Variants in LUZP2 observed in about 807,000 individuals in gnomAD.
The protein encoded by LUZP2 is leucine zipper protein 2.
LUZP2 carries 52 observed loss-of-function variants against 51.6 expected under a neutral mutation model. That is an observed-to-expected ratio of 1.01 (90% CI 0.81 to 1.27). The LOEUF (loss-of-function observed/expected upper bound fraction) is 1.27. Among genes scored for constraint, LUZP2 ranks in the 50% most tolerant of loss-of-function variants. LUZP2 has a pLI of 0.00. For missense variants in LUZP2, 436 were observed against 395.4 expected, an observed-to-expected ratio of 1.10 and a Z score of -0.87; for synonymous variants, 154 against 137.3, an observed-to-expected ratio of 1.12 and a Z score of -0.85.
chr11:25,072,599 G>T (rs1176120992), intron 10 of LUZP2, among the ~76,000 whole-genome samples: 2 of 152,028 alleles, frequency 1.3e-5, no homozygotes, highest in African/African-American at 4.8e-5. Context: ...GATAACATTG[G>T]TTACTCTCCT....
chr11:24,856,165 C>A (rs1851558449), intron 5 of LUZP2, among the ~76,000 whole-genome samples: 1 of 151,920 alleles, frequency 6.6e-6, no homozygotes, highest in South Asian at 2.1e-4. Context: ...GTGACACACA[C>A]CTGCAGAATG....
rs569686061 is a variant in LUZP2, at chr11:25,050,386, C to T, written c.858+256C>T. ...GCACAATCTCGGCTCACTGCAAGCT[C>T]CGCCGCCTCCCGGGTTCACGCCATT... On this transcript the variant is annotated intron_variant, in intron 10 of 11. Coordinates refer to ENST00000336930, the MANE Select transcript of LUZP2 (RefSeq NM_001009909.4). Among the ~76,000 whole-genome samples the T allele has an allele frequency of 1.2e-3, 181 of 144,968 alleles. 2 individuals are homozygous for T. Among genetic ancestry groups the T allele is most frequent in the African/African-American group, 4.3e-3 (171 of 39,448 alleles).
chr11:24,501,115 C>T (rs184162804), intron 1 of LUZP2, among the ~76,000 whole-genome samples: 6 of 152,290 alleles, frequency 3.9e-5, no homozygotes, highest in African/African-American at 2.4e-5. Flanking sequence ...CCACACATGA[C>T]ATTTTACAGG....
chr11:24,865,341 A>G (rs1211006054), intron 5 of LUZP2, among the ~76,000 whole-genome samples: 4 of 152,208 alleles, frequency 2.6e-5, no homozygotes, highest in Admixed American at 2.6e-4. Flanking sequence ...TCTTATGTAC[A>G]AGTAGGATAA....
At chr11:24,901,290 A>C (rs1206108498) in intron 5 of LUZP2, among the ~76,000 whole-genome samples, 2 of 152,066 alleles carry the variant, frequency 1.3e-5, no homozygotes, top group Non-Finnish European at 1.5e-5. Context: ...TGACAAAGGC[A>C]CTTAGATATT....
chr11:24,991,404 A>G (rs1301310250), intron 9 of LUZP2, among the ~76,000 whole-genome samples: 4 of 146,954 alleles, frequency 2.7e-5, no homozygotes, highest in African/African-American at 9.9e-5. Context: ...GTGTATATAT[A>G]TATATATATA....
intron 5 of LUZP2, among the ~76,000 whole-genome samples, chr11:24,769,370 G>T (rs1860316125): frequency 6.6e-6 from 1 of 152,140 alleles, no homozygotes; most frequent in African/African-American, 2.4e-5. Context: ...TTTCAAAATA[G>T]TTAGAAAAGA....
At position 24,699,576 on chromosome 11, in the gene LUZP2, A is replaced by G. The variant is rs374369937; in HGVS notation, c.63-29593A>G. ...AGCACACAGAAGTTTTTGGGGGGAC[A>G]TGGTAAGCCTAAGATATAGATGGAA... On this transcript the variant is annotated intron_variant, in intron 1 of 11. Transcript: ENST00000336930. 3.8e-3 allele frequency among the ~76,000 whole-genome samples: 575 copies of G among 151,946 alleles called. 2 individuals carry two copies. The highest frequency in any genetic ancestry group is 0.013 in the African/African-American group (542 of 41,476).
intron 3 of LUZP2, among the ~76,000 whole-genome samples, chr11:24,737,487 G>T (rs1171980310): frequency 6.7e-6 from 1 of 148,348 alleles, no homozygotes; most frequent in Admixed American, 6.9e-5. Flanking sequence ...ATCTATTTGA[G>T]GTGATAGCTC....
chr11:24,613,338 T>A (rs956594412), intron 1 of LUZP2, among the ~76,000 whole-genome samples: 4 of 132,576 alleles, frequency 3.0e-5, no homozygotes, highest in African/African-American at 8.7e-5. Flanking sequence ...ACACACACAC[T>A]CTCATGCACA....
intron 1 of LUZP2, among the ~76,000 whole-genome samples, chr11:24,570,960 A>G (rs145391043): frequency 3.5e-4 from 54 of 152,242 alleles, no homozygotes; most frequent in African/African-American, 1.3e-3. Context: ...ATGTTCAAAT[A>G]TTGAAAAAGT....
chr11:24,581,117 T>C (rs566147446), intron 1 of LUZP2, among the ~76,000 whole-genome samples: 3 of 148,196 alleles, frequency 2.0e-5, no homozygotes, highest in Admixed American at 1.4e-4. Flanking sequence ...TCCCTGTATA[T>C]AGAAAGCCTA....
At chr11:25,031,203 G>T (rs2133991533) in intron 9 of LUZP2, among the ~76,000 whole-genome samples, 1 of 149,786 alleles carries the variant, frequency 6.7e-6, no homozygotes, top group South Asian at 2.1e-4. Context: ...GTAGAAATGG[G>T]GTGTCACCAT....
intron 5 of LUZP2, among the ~76,000 whole-genome samples, chr11:24,768,631 C>A (rs2134045585): frequency 6.6e-6 from 1 of 152,060 alleles, no homozygotes; most frequent in East Asian, 1.9e-4. Context: ...TTTACAAATG[C>A]CCAAAAGGTA....
chr11:24,946,533 A>G (rs965613604), intron 7 of LUZP2, among the ~76,000 whole-genome samples: 3 of 151,836 alleles, frequency 2.0e-5, no homozygotes, highest in South Asian at 2.1e-4. Context: ...CTTATAATAT[A>G]CTTCTTAAAT....
chr11:24,508,692 AT>A (rs1850212627), intron 1 of LUZP2, among the ~76,000 whole-genome samples: 1 of 152,124 alleles, frequency 6.6e-6, no homozygotes. Context: ...TCATAATTTA[AT>A]TTTTAAAAAT....
rs1327713711 is a variant in LUZP2 at position 24,991,394 on chromosome 11, G to GTATA, written c.765+8102_765+8103insATAT. ...TATATATATGTGTGTGTGTGTGTGT[G>GTATA]TGTATATATATATATATATATATAT... On this transcript the variant is annotated intron_variant, in intron 9 of 11. Transcript: ENST00000336930. Among the ~76,000 whole-genome samples the GTATA allele has an allele frequency of 3.8e-4, 42 of 109,384 alleles. No individual in the cohort carries two copies. In the South Asian group the frequency reaches 4.8e-3, roughly 12 times the overall value. The allele number at this position is 109,384 out of a possible 152,430, so 71.8% of individuals were successfully genotyped here.
intron 7 of LUZP2, among the ~76,000 whole-genome samples, chr11:24,972,399 A>T (rs929599738): frequency 6.6e-6 from 1 of 152,086 alleles, no homozygotes; most frequent in Admixed American, 6.6e-5. Context: ...ACAAGCCTAT[A>T]AGTTAAGTAC....
At chr11:24,794,319 G>T (rs533762662) in intron 5 of LUZP2, among the ~76,000 whole-genome samples, 96 of 152,172 alleles carry the variant, frequency 6.3e-4, no homozygotes, top group African/African-American at 2.1e-3. Flanking sequence ...TACTCTTTAT[G>T]TACAGAGATG....
Sources: allele counts gnomAD v4.1 joint callset (sites outside exome capture counted in the v4.1 genomes callset), GRCh38; gene constraint gnomAD v4.1.1; transcripts MANE v1.5; gene names NCBI Gene and HGNC (gene_info 2026-07-23, HGNC 2026-07-21).